Variants in LIMD1 observed in about 807,000 individuals in gnomAD.
LIMD1 encodes LIM domain-containing protein 1.
In LIMD1, 23 loss-of-function variants were observed where a neutral mutation model predicts 58.4. That is an observed-to-expected ratio of 0.39 (90% CI 0.28 to 0.56). The LOEUF (loss-of-function observed/expected upper bound fraction) is 0.56, where lower values mean the gene tolerates loss of function less well. Among genes scored for constraint, LIMD1 ranks in the 20% least tolerant of loss-of-function variants. LIMD1 has a pLI of 0.57. For missense variants in LIMD1, 838 were observed against 855.5 expected (o/e 0.98, Z 0.25); for synonymous variants, 334 against 345.5 (o/e 0.97, Z 0.37).
chr3:45,616,676 G>A (rs1701579118), intron 1 of LIMD1, among the ~76,000 whole-genome samples: 1 of 151,948 alleles, frequency 6.6e-6, no homozygotes, highest in Non-Finnish European at 1.5e-5. Flanking sequence ...AGATGTGTTG[G>A]TTCTTCAAGA....
At chr3:45,669,495 G>A (rs2118750) in intron 4 of LIMD1, among the ~76,000 whole-genome samples, 40,373 of 151,942 alleles carry the variant, frequency 0.27, 6,648 homozygotes, top group Middle Eastern at 0.4. Flanking sequence ...GTTTTCACAT[G>A]TGCATATACC....
chr3:45,668,977 T>C (rs975153496), intron 4 of LIMD1, among the ~76,000 whole-genome samples: 1 of 152,234 alleles, frequency 6.6e-6, no homozygotes, highest in Non-Finnish European at 1.5e-5. Flanking sequence ...CAGTCTGTTT[T>C]TACTGCAGAA....
chr3:45,596,667 A>G (rs964559817), intron 1 of LIMD1, among the ~76,000 whole-genome samples: 1 of 151,996 alleles, frequency 6.6e-6, no homozygotes, highest in African/African-American at 2.4e-5. Flanking sequence ...TCTCAGGGGC[A>G]GCTACCCCTG....
intron 1 of LIMD1, among the ~76,000 whole-genome samples, chr3:45,602,835 C>CTT (rs57750084): frequency 4.9e-5 from 7 of 141,624 alleles, no homozygotes; most frequent in East Asian, 2.0e-4. Context: ...GTTTTCATGA[C>CTT]TTTTTTTTTT....
rs765215872 is a variant in LIMD1 at position 45,682,683 on chromosome 3, G to C, written c.*5624G>C. ...ATAAACAGTAAGTACTCCATCCCAG[G>C]CCATCTCATCCAGAGGGTGCTGTCT... On this transcript the variant is annotated 3_prime_UTR_variant, in exon 8 of 8. Transcript: ENST00000273317. The C allele has an allele frequency of 3.9e-5, 6 of 152,230 alleles. No individual in the cohort carries two copies. Among genetic ancestry groups the C allele is most frequent in the Non-Finnish European group, 5.9e-5 (4 of 68,066 alleles). 9.4% of individuals were successfully genotyped at this position (152,230 alleles called of 1,614,324 possible).
intron 7 of LIMD1, among the ~76,000 whole-genome samples, chr3:45,675,830 G>A (rs1338227499): frequency 6.6e-6 from 1 of 152,086 alleles, no homozygotes; most frequent in Non-Finnish European, 1.5e-5. Context: ...AACACAGTGA[G>A]ACCCTGTCTC....
intron 2 of LIMD1, among the ~76,000 whole-genome samples, chr3:45,664,624 T>C (rs1180042776): frequency 6.6e-6 from 1 of 152,220 alleles, no homozygotes; most frequent in Non-Finnish European, 1.5e-5. Flanking sequence ...GCTGCGTTGA[T>C]GCTTTCAGGG....
chr3:45,673,536 G>T (rs753351379), intron 6 of LIMD1, 31 bp downstream of exon 6: 1 of 1,570,290 alleles, frequency 6.4e-7, no homozygotes, highest in South Asian at 1.1e-5. Flanking sequence ...TGCTCCCAGG[G>T]GCTTCTAAGA....
chr3:45,611,332 G>T (rs779030628), intron 1 of LIMD1, among the ~76,000 whole-genome samples: 1 of 152,230 alleles, frequency 6.6e-6, no homozygotes, highest in Non-Finnish European at 1.5e-5. Context: ...GAACGAATCC[G>T]TTCCCACTTG....
intron 1 of LIMD1, among the ~76,000 whole-genome samples, chr3:45,602,299 C>G (rs993064413): frequency 1.3e-5 from 2 of 152,150 alleles, no homozygotes; most frequent in Non-Finnish European, 2.9e-5. Context: ...TGCTCACCCT[C>G]CCTGCTGTGG....
intron 7 of LIMD1, 26 bp from the exon 8 acceptor site, chr3:45,676,891 GCTTCC>G (rs746836980): frequency 4.3e-6 from 7 of 1,612,328 alleles, no homozygotes; most frequent in Non-Finnish European, 5.9e-6. Flanking sequence ...GTTTTGTTTT[GCTTCC>G]CCTGGACATG....
At chr3:45,632,865 C>T (rs191069964) in intron 1 of LIMD1, among the ~76,000 whole-genome samples, 9 of 152,292 alleles carry the variant, frequency 5.9e-5, no homozygotes, top group East Asian at 1.9e-4. Flanking sequence ...GCAGCAGCCG[C>T]GACACCACTG....
Position 45,594,975 on chromosome 3 carries a change from C to T in LIMD1, c.96C>T (p.Asp32=), listed in dbSNP as rs1171646722. The stretch of plus-strand genomic sequence containing the variant: ...CTAAGGATGGGCTCTTCCGAGTGGA[C>T]AAGGGTGCAGGCAACAACCCCGAGT... ...EASKDGLFRV[D]KGAGNNPEFE... Residue 32 remains aspartate, a synonymous_variant, in exon 1 of 8, where the codon GAC becomes GAT. Transcript: ENST00000273317. 2.5e-6 allele frequency: 4 copies of T among 1,613,838 alleles called. No homozygotes were observed. Among genetic ancestry groups the T allele is most frequent in the African/African-American group, 2.7e-5 (2 of 74,906 alleles).
intron 2 of LIMD1, among the ~76,000 whole-genome samples, chr3:45,659,519 C>A (rs1471221687): frequency 6.6e-6 from 1 of 152,074 alleles, no homozygotes; most frequent in African/African-American, 2.4e-5. Context: ...GCCTGGGAGG[C>A]TGAGGCTGCA....
At chr3:45,614,076 C>A (rs935675435) in intron 1 of LIMD1, among the ~76,000 whole-genome samples, 2 of 152,138 alleles carry the variant, frequency 1.3e-5, no homozygotes, top group Non-Finnish European at 2.9e-5. Context: ...CTCCCAATTT[C>A]CTCTGTTAAA....
At chr3:45,635,883 G>A in intron 1 of LIMD1, 2 of 985,188 alleles carry the variant, frequency 2.0e-6, no homozygotes, top group Non-Finnish European at 2.4e-6. Context: ...GAGGGAGGGA[G>A]TTGACCAAGC....
chr3:45,597,001 A>G (rs913576226), intron 1 of LIMD1, among the ~76,000 whole-genome samples: 2 of 150,368 alleles, frequency 1.3e-5, no homozygotes, highest in South Asian at 2.1e-4. Flanking sequence ...AGCTGGGACT[A>G]CAGGCACGTG....
rs1346144972 is a variant in LIMD1 at position 45,678,303 on chromosome 3, A to C, written c.*1244A>C. On this transcript the variant is annotated 3_prime_UTR_variant, in exon 8 of 8. Coordinates refer to ENST00000273317, the MANE Select transcript of LIMD1 (RefSeq NM_014240.3). ...CACACTGGACTCAGATACCTTCTTCAGTGTGTTGGAAATCACTGGCTTCAC... is the reference window on the plus strand; with the variant it reads ...CACACTGGACTCAGATACCTTCTTCCGTGTGTTGGAAATCACTGGCTTCAC... The C allele has an allele frequency of 1.3e-5, 2 of 152,660 alleles. No homozygotes were observed. The highest frequency in any genetic ancestry group is 2.9e-5 in the Non-Finnish European group (2 of 68,066). 9.5% of individuals were successfully genotyped at this position (152,660 alleles called of 1,614,324 possible).
intron 1 of LIMD1, among the ~76,000 whole-genome samples, chr3:45,617,033 T>TC (rs1701582724): frequency 9.8e-6 from 1 of 102,362 alleles, no homozygotes; most frequent in African/African-American, 3.6e-5. Context: ...GTGCCTGGCC[T>TC]ATTTTTTTTT....
Sources: gnomAD v4.1 joint callset for allele counts (sites outside exome capture counted in the v4.1 genomes callset) on GRCh38, gnomAD v4.1.1 for gene constraint, MANE v1.5 for transcripts, NCBI Gene and HGNC (gene_info 2026-07-23, HGNC 2026-07-21) for gene names.